Variants in VPS16 observed in about 807,000 individuals in gnomAD.
VPS16 encodes the protein VPS16 core subunit of CORVET and HOPS complexes.
A neutral mutation model predicts 116.0 loss-of-function variants in VPS16; 82 were observed. The ratio of observed to expected loss-of-function variants is 0.71; its 90% CI spans 0.59 to 0.85. The LOEUF is 0.85. VPS16 is among the 40% of genes least tolerant of loss of function. The probability of loss-of-function intolerance (pLI) is 0.00; values close to 1 mark genes in which losing one functional copy is unlikely to be tolerated. For missense variants in VPS16, 928 were observed against 1,090.6 expected, an observed-to-expected ratio of 0.85 and a Z score of 2.10; for synonymous variants, 406 against 420.7, an observed-to-expected ratio of 0.96 and a Z score of 0.43.
At position 2,863,557 on chromosome 20, in the gene VPS16, A is replaced by G. The variant is rs1409017085; in HGVS notation, c.1476+159A>G. ...GCGGGCGAATCACCTGAGGTCAGGT[A>G]TTCGAGACTAGCCTGGCTAACATGG... is the stretch of plus-strand genomic sequence containing the variant. On this transcript the variant is annotated intron_variant, in intron 15 of 23. Coordinates refer to ENST00000380445, the MANE Select transcript of VPS16 (RefSeq NM_022575.4). This position sits in a 1 kb window ranked among gnomAD's most constrained non-coding sequence, Gnocchi z 4.4. Among the ~76,000 whole-genome samples, 1 of 151,770 alleles carries G rather than the reference A, an allele frequency of 6.6e-6. No homozygotes were observed. The highest frequency in any genetic ancestry group is 1.5e-5 in the Non-Finnish European group (1 of 67,912).
Position 2,865,520 on chromosome 20 carries a change from C to T in VPS16, c.2271+25C>T, listed in dbSNP as rs1437237520. The stretch of plus-strand genomic sequence containing the variant: ...GGTGAGGCAGGGTCCTCCCTCCAGC[C>T]CACTTCCAGTGAGGGTAGTCTTCGG... On this transcript the variant is annotated intron_variant, in intron 22 of 23. Coordinates refer to ENST00000380445, the MANE Select transcript of VPS16 (RefSeq NM_022575.4). This position sits in a 1 kb window ranked among gnomAD's most constrained non-coding sequence, Gnocchi z 5.2. 14 of 1,604,508 alleles carry T rather than the reference C, an allele frequency of 8.7e-6. No homozygotes were observed. In the East Asian group the frequency reaches 1.8e-4, roughly 20 times the overall value.
rs750104307 is a variant in VPS16, at chr20:2,859,747, G to C, written c.82G>C (p.Asp28His). The C allele has an allele frequency of 6.2e-6, 10 of 1,613,134 alleles. No individual in the cohort carries two copies. Among genetic ancestry groups the C allele is most frequent in the Non-Finnish European group, 8.5e-6 (10 of 1,179,720 alleles). ...RKYELYSMDW[D>H]LKEELRDCLV... is the part of the protein sequence containing the mutation. Reference sequence around the variant, plus strand: ...ATATGAGCTGTACAGCATGGACTGGGACCTGAAGGAGGAACTCAGGGATTG... The same window carrying C: ...ATATGAGCTGTACAGCATGGACTGGCACCTGAAGGAGGAACTCAGGGATTG... The change falls in exon 2 of 24, where the codon GAC (aspartate) becomes CAC (histidine). Residue 28 changes from aspartate (D) to histidine (H), a missense_variant. Physicochemically the swap from Asp to His is moderately conservative, Grantham distance 81. Transcript: ENST00000380445.
At position 2,864,610 on chromosome 20, in the gene VPS16, G is replaced by T. The variant is rs1600010922; in HGVS notation, c.1882G>T (p.Glu628Ter). 1.2e-6 allele frequency: 2 copies of T among 1,614,144 alleles called. No individual in the cohort carries two copies. The highest frequency in any genetic ancestry group is 8.5e-7 in the Non-Finnish European group (1 of 1,180,032). ...TTACAATCAGGATGACAATCACCAG[G>T]AATTGGGCAGCTTCCACATCCGAGC... ...DLYNQDDNHQ[E>*]LGSFHIRASY... The change falls in exon 19 of 24, where the codon GAA becomes TAA. Residue 628 changes from glutamate to a stop codon, truncating the protein, a stop_gained. Transcript: ENST00000380445. LOFTEE classifies it high-confidence loss of function. The surrounding 1 kb of genome is among the most constrained non-coding windows in gnomAD (Gnocchi z 5.2).
chr20:2,855,959 C>T (rs1280696039), intron 1 of VPS16, among the ~76,000 whole-genome samples: 1 of 152,202 alleles, frequency 6.6e-6, no homozygotes, highest in Non-Finnish European at 1.5e-5. Context: ...ACTGGAGTAG[C>T]ACTTTTAATT....
rs1366822440 is a variant in VPS16, at chr20:2,863,656, G to A, written c.1476+258G>A. Reference sequence around the variant, plus strand: ...GCATGCCTGTAATCCCAGCTACCCGGGAGGCTGAGGCAGGAGAATTGCTTT... The same window carrying A: ...GCATGCCTGTAATCCCAGCTACCCGAGAGGCTGAGGCAGGAGAATTGCTTT... On this transcript the variant is annotated intron_variant, in intron 15 of 23. Coordinates refer to ENST00000380445, the MANE Select transcript of VPS16 (RefSeq NM_022575.4). This position sits in a 1 kb window ranked among gnomAD's most constrained non-coding sequence, Gnocchi z 4.4. 1.3e-5 allele frequency among the ~76,000 whole-genome samples: 2 copies of A among 152,192 alleles called. No homozygotes were observed. Among genetic ancestry groups the A allele is most frequent in the Non-Finnish European group, 1.5e-5 (1 of 68,024 alleles).
In VPS16 at chr20:2,866,225, T is replaced by A. The variant is rs774461970; in HGVS notation, c.2285T>A (p.Ile762Asn). The A allele has an allele frequency of 6.2e-7, 1 of 1,614,126 alleles. No individual in the cohort carries two copies. The highest frequency in any genetic ancestry group is 8.5e-7 in the Non-Finnish European group (1 of 1,180,022). The stretch of plus-strand genomic sequence containing the variant: ...CTCTCCTCCAAGCCTTTTGTGGAGA[T>A]CTGCATGAAACAACATAACAAATAC... ...SPIGYLPFVE[I>N]CMKQHNKYEA... is the part of the protein sequence containing the mutation. Residue 762 changes from isoleucine (I) to asparagine (N), a missense_variant, in exon 23 of 24, where the codon ATC becomes AAC. By Grantham distance (149) the Ile-to-Asn change is moderately radical. Transcript: ENST00000380445.
At chr20:2,853,532 T>G (rs186110667) in intron 1 of VPS16, among the ~76,000 whole-genome samples, 2 of 152,326 alleles carry the variant, frequency 1.3e-5, no homozygotes, top group East Asian at 3.9e-4. Context: ...TCTCTTGCTA[T>G]TTCCACTGCA....
At chr20:2,856,434 C>G (rs997925139) in intron 1 of VPS16, among the ~76,000 whole-genome samples, 3 of 152,114 alleles carry the variant, frequency 2.0e-5, no homozygotes, top group African/African-American at 7.2e-5. Context: ...TGAGCACATG[C>G]AGTTGGAAAA....
intron 1 of VPS16, among the ~76,000 whole-genome samples, chr20:2,848,923 G>A (rs908924337): frequency 1.3e-5 from 2 of 152,176 alleles, no homozygotes; most frequent in Non-Finnish European, 2.9e-5. Context: ...GGTTCCTCTG[G>A]GAATGGTGCC....
rs781491588 is a variant in VPS16 at position 2,866,554 on chromosome 20, G to T, written c.2500G>T (p.Ala834Ser). Residue 834 changes from alanine to serine, a missense_variant, in exon 24 of 24, where the codon GCA becomes TCA. Coordinates refer to ENST00000380445, the MANE Select transcript of VPS16 (RefSeq NM_022575.4). Reference protein sequence around the residue: ...ATADKIQRARAQAQKK With the variant: ...ATADKIQRARSQAQKK ...AGCTGACAAGATTCAACGGGCCAGGGCACAAGCCCAGAAGAAGTGAGGAGT... is the reference window on the plus strand; with the variant it reads ...AGCTGACAAGATTCAACGGGCCAGGTCACAAGCCCAGAAGAAGTGAGGAGT... The T allele has an allele frequency of 6.2e-7, 1 of 1,614,154 alleles. No homozygotes were observed. Among genetic ancestry groups the T allele is most frequent in the Non-Finnish European group, 8.5e-7 (1 of 1,180,020 alleles).
rs771301671 is a variant in VPS16 at position 2,862,680 on chromosome 20, C to T, written c.1173C>T (p.His391=). The change falls in exon 12 of 24, where the codon CAC becomes CAT. Residue 391 remains histidine, a synonymous_variant. Transcript: ENST00000380445. The stretch of plus-strand genomic sequence containing the variant: ...GCATTGAGGCTGCAGGACATGAGCA[C>T]CAGCCAGACATGCAGAAGAGTCTGC... ...QQCIEAAGHE[H]QPDMQKSLLR... 1.2e-6 allele frequency: 2 copies of T among 1,612,268 alleles called. No individual in the cohort carries two copies. The highest frequency in any genetic ancestry group is 2.2e-5 in the South Asian group (2 of 91,020).
intron 1 of VPS16, among the ~76,000 whole-genome samples, chr20:2,859,143 C>T (rs145746512): frequency 6.6e-6 from 1 of 152,086 alleles, no homozygotes; most frequent in East Asian, 1.9e-4. Flanking sequence ...ACAAAAAATA[C>T]AGAAATTAGC....
At position 2,866,716 on chromosome 20, in the gene VPS16, A is replaced by G. The variant is rs2089355469; in HGVS notation, c.*142A>G. 7.8e-7 allele frequency: 1 copy of G among 1,289,790 alleles called. No individual in the cohort carries two copies. The highest frequency in any genetic ancestry group is 1.1e-6 in the Non-Finnish European group (1 of 940,934). 79.9% of individuals were successfully genotyped at this position (1,289,790 alleles called of 1,614,324 possible). A position where few individuals can be genotyped will look rare whatever the true frequency, so the allele number is the denominator to read the frequency against. On this transcript the variant is annotated 3_prime_UTR_variant, in exon 24 of 24. Transcript: ENST00000380445. ...GTAGCAGGGCTGTCTGGTTTTAAAT[A>G]AAGTTGGAACACTTCACAGTGCTTG...
At chr20:2,842,876 A>C (rs1402607424) in intron 1 of VPS16, among the ~76,000 whole-genome samples, 36 of 151,370 alleles carry the variant, frequency 2.4e-4, no homozygotes, top group East Asian at 1.9e-3. Flanking sequence ...ATAGATAGAT[A>C]GATGTATCTA....
chr20:2,846,112 C>CT (rs34440512), intron 1 of VPS16, among the ~76,000 whole-genome samples: 1,084 of 89,682 alleles, frequency 0.012, 40 homozygotes, highest in Non-Finnish European at 0.017. Flanking sequence ...CTGTACTCCG[C>CT]TTTTTTTTTT....
Position 2,865,606 on chromosome 20 carries a change from C to G in VPS16, c.2271+111C>G. 1 of 1,000,736 alleles carries G rather than the reference C, an allele frequency of 1.0e-6. No homozygotes were observed. Among genetic ancestry groups the G allele is most frequent in the Non-Finnish European group, 1.5e-6 (1 of 684,214 alleles). 62.0% of individuals were successfully genotyped at this position (1,000,736 alleles called of 1,614,324 possible). A position where few individuals can be genotyped will look rare whatever the true frequency, so the allele number is the denominator to read the frequency against. Reference sequence around the variant, plus strand: ...CCGTTCATGCTCCTGTTCAGCTGCCCGCATAGTTAGCGAGTGCTTCCTGTA... The same window carrying G: ...CCGTTCATGCTCCTGTTCAGCTGCCGGCATAGTTAGCGAGTGCTTCCTGTA... On this transcript the variant is annotated intron_variant, in intron 22 of 23. Coordinates refer to ENST00000380445, the MANE Select transcript of VPS16 (RefSeq NM_022575.4). This position sits in a 1 kb window ranked among gnomAD's most constrained non-coding sequence, Gnocchi z 5.2.
At chr20:2,842,741 T>G (rs1255812074) in intron 1 of VPS16, among the ~76,000 whole-genome samples, 1 of 22,382 alleles carries the variant, frequency 4.5e-5, no homozygotes, top group Non-Finnish European at 7.6e-5. Context: ...TATCTATAGA[T>G]ACATATAGAT....
chr20:2,842,734 C>A (rs73083225), intron 1 of VPS16, among the ~76,000 whole-genome samples: 21,177 of 55,570 alleles, frequency 0.38, 5,499 homozygotes, highest in East Asian at 0.64. Context: ...ATGTATCTAT[C>A]TATAGATACA....
chr20:2,863,949 G>A lies in VPS16; in HGVS notation c.1477G>A (p.Val493Met). 1.2e-6 allele frequency: 2 copies of A among 1,613,460 alleles called. No individual in the cohort carries two copies. The highest frequency in any genetic ancestry group is 1.1e-5 in the South Asian group (1 of 91,044). ...RILAHWACYK[V>M]QQKDVSDEDV... ...TTGTGACACCCCGCATCCCTTGCAG[G>A]TGCAACAGAAGGATGTCTCAGATGA... Residue 493 changes from valine to methionine, a missense_variant and splice_region_variant, in exon 16 of 24, where the codon GTG (valine) becomes ATG (methionine). Val to Met is a conservative substitution (Grantham distance 21). Coordinates refer to ENST00000380445, the MANE Select transcript of VPS16 (RefSeq NM_022575.4). The surrounding 1 kb of genome is among the most constrained non-coding windows in gnomAD (Gnocchi z 4.4).
Sources: allele counts gnomAD v4.1 joint callset (sites outside exome capture counted in the v4.1 genomes callset), GRCh38; gene constraint gnomAD v4.1.1; non-coding constraint Gnocchi (gnomAD v3.1); transcripts MANE v1.5; gene names NCBI Gene and HGNC (gene_info 2026-07-23, HGNC 2026-07-21).